SPOPL: variants seen among roughly 807,000 people sequenced by gnomAD.
The protein encoded by SPOPL is speckle type BTB/POZ protein like, also known as speckle-type POZ protein-like.
A neutral mutation model predicts 53.8 loss-of-function variants in SPOPL; 23 were observed. The ratio of observed to expected loss-of-function variants is 0.43; its 90% CI spans 0.31 to 0.61. The LOEUF is 0.61. Ranked by LOEUF, SPOPL falls within the 20% of genes least tolerant of loss-of-function variation. SPOPL has a pLI of 0.12. For missense variants in SPOPL, 442 were observed against 466.9 expected (o/e 0.95, Z 0.49); for synonymous variants, 164 against 149.7 (o/e 1.10, Z -0.70).
chr2:138,548,982 A>T (rs1441237329), intron 1 of SPOPL, among the ~76,000 whole-genome samples: 1 of 152,170 alleles, frequency 6.6e-6, no homozygotes, highest in African/African-American at 2.4e-5. Flanking sequence ...GTCTTGGAGA[A>T]TGTTCCACAT....
At chr2:138,523,679 C>T (rs888832768) in intron 1 of SPOPL, among the ~76,000 whole-genome samples, 2 of 152,138 alleles carry the variant, frequency 1.3e-5, no homozygotes, top group Admixed American at 6.5e-5. Context: ...CAAAGGGGCT[C>T]CAGGCCCCCA....
chr2:138,520,975 A>G (rs2104864199), intron 1 of SPOPL, among the ~76,000 whole-genome samples: 1 of 152,332 alleles, frequency 6.6e-6, no homozygotes, highest in Non-Finnish European at 1.5e-5. Context: ...TTATTAATAC[A>G]TAATAGAAAA....
rs1558885066 is a variant in SPOPL at position 138,570,367 on chromosome 2, A to AT, written c.*1288dup. On this transcript the variant is annotated 3_prime_UTR_variant, in exon 11 of 11. Coordinates refer to ENST00000280098, the MANE Select transcript of SPOPL (RefSeq NM_001001664.3). ...TGAAATTCTGCATAATGTGAACAGG[A>AT]TAAACTATTTATAAACTGCTTTTCA... 1 of 152,236 alleles carries AT rather than the reference A, an allele frequency of 6.6e-6. No individual in the cohort carries two copies. Among genetic ancestry groups the AT allele is most frequent in the East Asian group, 1.9e-4 (1 of 5,198 alleles). The allele number at this position is 152,236 out of a possible 1,614,324, so 9.4% of individuals were successfully genotyped here. A position where few individuals can be genotyped will look rare whatever the true frequency, so the allele number is the denominator to read the frequency against.
At chr2:138,507,283 A>G (rs1258911138) in intron 1 of SPOPL, among the ~76,000 whole-genome samples, 4 of 152,172 alleles carry the variant, frequency 2.6e-5, no homozygotes, top group Admixed American at 2.0e-4. Context: ...TGGCTGTTCT[A>G]TAAGTATCTA....
Position 138,572,169 on chromosome 2 carries a change from T to C in SPOPL, c.*3089T>C, listed in dbSNP as rs1162402691. 2.0e-5 allele frequency: 3 copies of C among 152,576 alleles called. No individual in the cohort carries two copies. Among genetic ancestry groups the C allele is most frequent in the Admixed American group, 1.3e-4 (2 of 15,264 alleles). The allele number at this position is 152,576 out of a possible 1,614,324, so 9.5% of individuals were successfully genotyped here. Reference sequence around the variant, plus strand: ...TATTTCATTTAAATATGCTTTACTTTGGAGGACAATTGATTAACAGAGGAA... The same window carrying C: ...TATTTCATTTAAATATGCTTTACTTCGGAGGACAATTGATTAACAGAGGAA... On this transcript the variant is annotated 3_prime_UTR_variant, in exon 11 of 11. Transcript: ENST00000280098.
At chr2:138,508,164 T>A (rs973280360) in intron 1 of SPOPL, among the ~76,000 whole-genome samples, 1 of 152,198 alleles carries the variant, frequency 6.6e-6, no homozygotes, top group Non-Finnish European at 1.5e-5. Context: ...TACAAATCCC[T>A]GGACTTTTCT....
At chr2:138,509,629 T>C (rs1684287188) in intron 1 of SPOPL, among the ~76,000 whole-genome samples, 1 of 152,090 alleles carries the variant, frequency 6.6e-6, no homozygotes, top group African/African-American at 2.4e-5. Flanking sequence ...CTGTTTTAGG[T>C]TCACTGAAGA....
intron 1 of SPOPL, among the ~76,000 whole-genome samples, chr2:138,526,410 G>A (rs1478163035): frequency 1.3e-5 from 2 of 152,118 alleles, no homozygotes; most frequent in South Asian, 2.1e-4. Context: ...TGAGACATTC[G>A]TGTAAAAGGC....
chr2:138,571,141 G>A lies in SPOPL; in HGVS notation c.*2061G>A, dbSNP rs1185671210. The A allele has an allele frequency of 6.6e-6, 1 of 152,032 alleles. No individual in the cohort carries two copies. The highest frequency in any genetic ancestry group is 2.4e-5 in the African/African-American group (1 of 41,408). 9.4% of individuals were successfully genotyped at this position (152,032 alleles called of 1,614,324 possible). On this transcript the variant is annotated 3_prime_UTR_variant, in exon 11 of 11. Coordinates refer to ENST00000280098, the MANE Select transcript of SPOPL (RefSeq NM_001001664.3). ...CATATGTATACATTTCCAGTTTTAAGATTTTGCGAGGGTCTTATAAGAAAA... is the reference window on the plus strand; with the variant it reads ...CATATGTATACATTTCCAGTTTTAAAATTTTGCGAGGGTCTTATAAGAAAA...
At chr2:138,551,923 A>G (rs1249405261) in intron 4 of SPOPL, among the ~76,000 whole-genome samples, 3 of 152,030 alleles carry the variant, frequency 2.0e-5, no homozygotes, top group Admixed American at 2.0e-4. Flanking sequence ...TGTTTATTAA[A>G]TCTATTACAA....
intron 1 of SPOPL, among the ~76,000 whole-genome samples, chr2:138,510,656 C>G (rs899258030): frequency 2.6e-5 from 4 of 152,120 alleles, no homozygotes; most frequent in Non-Finnish European, 5.9e-5. Context: ...CTTTATAATA[C>G]CCCTCTTTAT....
At position 138,536,651 on chromosome 2, in the gene SPOPL, G is replaced by GT. The variant is rs147425780; in HGVS notation, c.-60-13497dup. Among the ~76,000 whole-genome samples, 1,174 of 150,956 alleles carry GT rather than the reference G, an allele frequency of 7.8e-3. 16 individuals are homozygous for GT. Among genetic ancestry groups the GT allele is most frequent in the African/African-American group, 0.025 (1,031 of 41,170 alleles). On this transcript the variant is annotated intron_variant, in intron 1 of 10. Transcript: ENST00000280098. ...GCTCCTCTCAGCTGTGTCTTTTCCTGTTTTTTTTTGGGCAAATCAGCTGTC... is the reference window on the plus strand; with the variant it reads ...GCTCCTCTCAGCTGTGTCTTTTCCTGTTTTTTTTTTGGGCAAATCAGCTGTC...
chr2:138,558,571 A>G (rs1277799454), intron 5 of SPOPL, among the ~76,000 whole-genome samples: 1 of 152,100 alleles, frequency 6.6e-6, no homozygotes, highest in East Asian at 1.9e-4. Context: ...ATCACTTTTT[A>G]TACGGTAAAA....
At chr2:138,562,276 A>G (rs923005966) in intron 8 of SPOPL, among the ~76,000 whole-genome samples, 2 of 152,074 alleles carry the variant, frequency 1.3e-5, no homozygotes, top group Admixed American at 6.6e-5. Context: ...ATGACTTACT[A>G]TAAAGCTTTA....
intron 1 of SPOPL, among the ~76,000 whole-genome samples, chr2:138,542,077 T>G (rs983583763): frequency 7.9e-5 from 12 of 152,258 alleles, no homozygotes; most frequent in African/African-American, 2.2e-4. Flanking sequence ...TGAGTTCTAC[T>G]TTGATTGCAC....
In SPOPL at chr2:138,516,277, G is replaced by A. The variant is rs955337553; in HGVS notation, c.-61+14158G>A. On this transcript the variant is annotated intron_variant, in intron 1 of 10. Coordinates refer to ENST00000280098, the MANE Select transcript of SPOPL (RefSeq NM_001001664.3). ...CGTCTTTGAAGTTGTGATGTATTGT[G>A]GGTTTGAGGTTTGACGAGGAAGGAA... Among the ~76,000 whole-genome samples, 3 of 152,098 alleles carry A rather than the reference G, an allele frequency of 2.0e-5. No individual in the cohort carries two copies. The South Asian group carries it at 6.2e-4, about 32-fold the overall frequency.
At chr2:138,541,199 A>T (rs181422945) in intron 1 of SPOPL, among the ~76,000 whole-genome samples, 2 of 152,110 alleles carry the variant, frequency 1.3e-5, no homozygotes, top group African/African-American at 4.8e-5. Flanking sequence ...GTGGTCTAAA[A>T]TTCTCTTTTT....
chr2:138,555,769 T>A (rs77477246), intron 5 of SPOPL, among the ~76,000 whole-genome samples: 1,655 of 152,330 alleles, frequency 0.011, 34 homozygotes, highest in African/African-American at 0.038. Flanking sequence ...GTTCCTTGTC[T>A]GTCTAAACTA....
chr2:138,555,131 G>GGTGTGTGTGTGTGT (rs61000380), intron 5 of SPOPL, among the ~76,000 whole-genome samples: 222 of 140,168 alleles, frequency 1.6e-3, no homozygotes, highest in African/African-American at 4.7e-3. Context: ...AGGGTAGGAG[G>GGTGTGTGTGTGTGT]GTGTGTGTGT....
Sources: gnomAD v4.1 joint callset for allele counts (sites outside exome capture counted in the v4.1 genomes callset) on GRCh38, gnomAD v4.1.1 for gene constraint, MANE v1.5 for transcripts, NCBI Gene and HGNC (gene_info 2026-07-23, HGNC 2026-07-21) for gene names.